Variants in PTPRZ1 observed in about 807,000 individuals in gnomAD.
The protein encoded by PTPRZ1 is protein tyrosine phosphatase receptor type Z1.
Under a neutral mutation model 214.1 loss-of-function variants are expected in PTPRZ1, and 82 were observed. The ratio of observed to expected loss-of-function variants is 0.38; its 90% CI spans 0.32 to 0.46. The LOEUF (loss-of-function observed/expected upper bound fraction) is 0.46, where lower values mean the gene tolerates loss of function less well. Ranked by LOEUF, PTPRZ1 falls within the 20% of genes least tolerant of loss-of-function variation. The pLI is 1.00. For synonymous variants in PTPRZ1, 945 were observed against 987.9 expected (o/e 0.96, Z 0.81); for missense variants, 2,603 against 2,748.7 (o/e 0.95, Z 1.19).
intron 23 of PTPRZ1, among the ~76,000 whole-genome samples, chr7:122,049,589 A>C (rs1457624134): frequency 6.6e-6 from 1 of 152,160 alleles, no homozygotes. Flanking sequence ...CTCAAAAAAG[A>C]CACTTAACAA....
chr7:121,928,481 G>C (rs976731089), intron 2 of PTPRZ1, among the ~76,000 whole-genome samples: 10 of 152,098 alleles, frequency 6.6e-5, no homozygotes, highest in Non-Finnish European at 1.5e-4. Flanking sequence ...ATACCTTCAA[G>C]AAATAACATA....
At chr7:121,947,318 A>T (rs1438121414) in intron 2 of PTPRZ1, among the ~76,000 whole-genome samples, 1 of 152,082 alleles carries the variant, frequency 6.6e-6, no homozygotes, top group Non-Finnish European at 1.5e-5. Context: ...AGAGAAGTAC[A>T]AGTTGAAGAA....
chr7:121,994,239 T>G (rs965998684), intron 8 of PTPRZ1, among the ~76,000 whole-genome samples: 1 of 152,084 alleles, frequency 6.6e-6, no homozygotes, highest in South Asian at 2.1e-4. Context: ...CTTTATTTTT[T>G]TCTTAAGAGA....
intron 3 of PTPRZ1, among the ~76,000 whole-genome samples, chr7:121,970,262 G>T (rs1407854713): frequency 6.6e-6 from 1 of 152,016 alleles, no homozygotes; most frequent in Non-Finnish European, 1.5e-5. Flanking sequence ...CAATAAACAT[G>T]CATGTGCATG....
chr7:122,046,450 G>A (rs1791985428), intron 23 of PTPRZ1, among the ~76,000 whole-genome samples: 1 of 152,058 alleles, frequency 6.6e-6, no homozygotes, highest in East Asian at 1.9e-4. Flanking sequence ...AAACAAAATA[G>A]TGTGAAAAAT....
intron 8 of PTPRZ1, among the ~76,000 whole-genome samples, chr7:121,985,580 G>C (rs1209092570): frequency 6.6e-6 from 1 of 152,104 alleles, no homozygotes; most frequent in East Asian, 1.9e-4. Flanking sequence ...TGTACATTTG[G>C]CTTCCCCATT....
chr7:122,025,873 G>A (rs529450788), intron 13 of PTPRZ1, among the ~76,000 whole-genome samples: 15 of 152,244 alleles, frequency 9.9e-5, no homozygotes, highest in African/African-American at 3.4e-4. Flanking sequence ...AGAAAAGGCA[G>A]GTTTATTTAT....
At position 122,011,537 on chromosome 7, in the gene PTPRZ1, T is replaced by C. The variant is rs868195881; in HGVS notation, c.2491T>C (p.Leu831=). 3.7e-6 allele frequency: 6 copies of C among 1,614,014 alleles called. No individual in the cohort carries two copies. The South Asian group carries it at 6.6e-5, about 18-fold the overall frequency. Residue 831 remains leucine (L), a synonymous_variant, in exon 12 of 30, where the codon TTG becomes CTG. Coordinates refer to ENST00000393386, the MANE Select transcript of PTPRZ1 (RefSeq NM_002851.3). ...PFSSASFSSE[L]FRHLHTVSQI... is the part of the protein sequence containing the mutation. Reference sequence around the variant, plus strand: ...TTCCTCTGCTTCCTTCAGTAGTGAATTGTTTCGCCATCTGCATACAGTTTC... The same window carrying C: ...TTCCTCTGCTTCCTTCAGTAGTGAACTGTTTCGCCATCTGCATACAGTTTC...
chr7:121,928,015 T>C, intron 1 of PTPRZ1, 141 bp from the exon 2 acceptor site: 1 of 658,294 alleles, frequency 1.5e-6, no homozygotes, highest in East Asian at 2.6e-5. Flanking sequence ...ATGGTGGTGG[T>C]TGAGGTTGAG....
intron 1 of PTPRZ1, among the ~76,000 whole-genome samples, chr7:121,897,147 A>G (rs1349409476): frequency 6.6e-6 from 1 of 152,132 alleles, no homozygotes; most frequent in African/African-American, 2.4e-5. Context: ...GATAGACACT[A>G]TTGTTGTTTT....
chr7:121,998,139 C>T (rs893350482), intron 10 of PTPRZ1, 133 bp downstream of exon 10: 15 of 1,073,990 alleles, frequency 1.4e-5, no homozygotes, highest in Admixed American at 6.4e-5. Context: ...TCTGGATTGC[C>T]GGGTAATTTT....
chr7:121,909,986 G>C (rs1243791801), intron 1 of PTPRZ1, among the ~76,000 whole-genome samples: 3 of 152,036 alleles, frequency 2.0e-5, no homozygotes, highest in Non-Finnish European at 4.4e-5. Context: ...TTTTTAAAAG[G>C]GCAAAAAATA....
Position 121,997,992 on chromosome 7 carries a change from C to T in PTPRZ1, c.1226C>T (p.Pro409Leu), listed in dbSNP as rs556431898. The T allele has an allele frequency of 3.2e-5, 52 of 1,612,740 alleles. No individual in the cohort carries two copies. In the East Asian group the frequency reaches 9.8e-4, roughly 30 times the overall value. The change falls in exon 10 of 30, where the codon CCT (proline) becomes CTT (leucine). Residue 409 changes from proline (P) to leucine (L), a missense_variant. Physicochemically the swap from Pro to Leu is moderately conservative, Grantham distance 98 (BLOSUM62 -3). Transcript: ENST00000393386. Reference protein sequence around the residue: ...KYSDQLIVDMPTDNPELDLFP... With the variant: ...KYSDQLIVDMLTDNPELDLFP... ...AGCGACCAACTGATTGTCGACATGC[C>T]TACTGATAATCCTGGTAAGTGCCAC...
At chr7:121,938,775 G>A (rs1212503706) in intron 2 of PTPRZ1, among the ~76,000 whole-genome samples, 1 of 152,102 alleles carries the variant, frequency 6.6e-6, no homozygotes, top group Non-Finnish European at 1.5e-5. Flanking sequence ...GTGTCTTCCT[G>A]GTTTTCAATG....
chr7:121,923,189 G>A (rs769233771), intron 1 of PTPRZ1, among the ~76,000 whole-genome samples: 1 of 152,000 alleles, frequency 6.6e-6, no homozygotes, highest in Non-Finnish European at 1.5e-5. Context: ...CTTTTCTCAG[G>A]TCTCTTCTTT....
At chr7:122,057,591 T>C (rs963867538) in intron 27 of PTPRZ1, among the ~76,000 whole-genome samples, 12 of 151,564 alleles carry the variant, frequency 7.9e-5, no homozygotes, top group Non-Finnish European at 1.5e-4. Context: ...GCTGCATATA[T>C]TGCAAATACT....
intron 2 of PTPRZ1, among the ~76,000 whole-genome samples, chr7:121,961,770 A>C (rs3757544): frequency 0.037 from 5,666 of 152,360 alleles, 116 homozygotes; most frequent in East Asian, 0.088. Context: ...TGAAATAGGC[A>C]AGTTAACAGA....
At chr7:122,051,360 T>C in intron 23 of PTPRZ1, 68 bp from the exon 24 acceptor site, 5 of 663,378 alleles carry the variant, frequency 7.5e-6, no homozygotes, top group Non-Finnish European at 1.2e-5. Context: ...TCTGTATGTA[T>C]GTGTGTGTGT....
At chr7:122,032,545 G>T (rs550895802) in intron 15 of PTPRZ1, among the ~76,000 whole-genome samples, 1 of 151,986 alleles carries the variant, frequency 6.6e-6, no homozygotes, top group East Asian at 1.9e-4. Flanking sequence ...GTGGCTCTGC[G>T]GACCTCCCTC....
Sources: gnomAD v4.1 joint callset for allele counts (sites outside exome capture counted in the v4.1 genomes callset) on GRCh38, gnomAD v4.1.1 for gene constraint, MANE v1.5 for transcripts, NCBI Gene and HGNC (gene_info 2026-07-23, HGNC 2026-07-21) for gene names.